The following KCNMB2 variants were observed in gnomAD, a reference collection of about 807,000 sequenced individuals.
The protein encoded by KCNMB2 is calcium-activated potassium channel subunit beta-2.
Under a neutral mutation model 24.5 loss-of-function variants are expected in KCNMB2, and 9 were observed. That is an observed-to-expected ratio of 0.37 (90% CI 0.22 to 0.64). The LOEUF (loss-of-function observed/expected upper bound fraction) is 0.64. KCNMB2 is among the 30% of genes least tolerant of loss of function. The pLI, the probability that KCNMB2 is intolerant of heterozygous loss-of-function variation, is 0.63. For synonymous variants in KCNMB2, 109 were observed against 104.4 expected (o/e 1.04, Z -0.27); for missense variants, 226 against 284.3 (o/e 0.79, Z 1.47).
chr3:178,590,293 A>AT (rs1717618198), intron 1 of KCNMB2, among the ~76,000 whole-genome samples: 3 of 152,084 alleles, frequency 2.0e-5, no homozygotes, highest in African/African-American at 7.2e-5. Context: ...TTATCTGTAC[A>AT]TTTTTTATCC....
chr3:178,757,332 G>GTATA lies in KCNMB2; in HGVS notation c.-67-50005_-67-50002dup, dbSNP rs1186497623. ...TCCATCCAAGAGGACATATATATAT[G>GTATA]TATATATATCCAAGAGGATATATAT... On this transcript the variant is annotated intron_variant, in intron 1 of 4. Coordinates refer to ENST00000452583, the MANE Select transcript of KCNMB2 (RefSeq NM_181361.3). Among the ~76,000 whole-genome samples, 2 of 68,726 alleles carry GTATA rather than the reference G, an allele frequency of 2.9e-5. 1 individual carries two copies. Among genetic ancestry groups the GTATA allele is most frequent in the African/African-American group, 1.1e-4 (2 of 18,082 alleles). The allele number at this position is 68,726 out of a possible 152,430, so 45.1% of individuals were successfully genotyped here. A position where few individuals can be genotyped will look rare whatever the true frequency, so the allele number is the denominator to read the frequency against.
At chr3:178,625,376 G>A (rs545955866) in intron 1 of KCNMB2, among the ~76,000 whole-genome samples, 8 of 152,328 alleles carry the variant, frequency 5.3e-5, no homozygotes, top group South Asian at 2.1e-4. Context: ...GGGAGCAGCC[G>A]CTTCTTTTCA....
intron 1 of KCNMB2, among the ~76,000 whole-genome samples, chr3:178,791,346 G>A (rs866105299): frequency 6.6e-6 from 1 of 152,220 alleles, no homozygotes; most frequent in South Asian, 2.1e-4. Context: ...ACTGAAGAAT[G>A]TATCAGAGTC....
At chr3:178,842,442 A>C (rs1419004650) in intron 4 of KCNMB2, among the ~76,000 whole-genome samples, 1 of 152,224 alleles carries the variant, frequency 6.6e-6, no homozygotes, top group Non-Finnish European at 1.5e-5. Flanking sequence ...ATGGGTGAGC[A>C]ATCAAGGGAC....
chr3:178,654,573 C>A (rs1014359061), intron 1 of KCNMB2, among the ~76,000 whole-genome samples: 1 of 152,164 alleles, frequency 6.6e-6, no homozygotes, highest in Admixed American at 6.5e-5. Context: ...ACAATTTATA[C>A]TTTTCAAAGA....
intron 1 of KCNMB2, among the ~76,000 whole-genome samples, chr3:178,762,164 C>G (rs936758680): frequency 1.3e-5 from 2 of 151,794 alleles, no homozygotes; most frequent in Non-Finnish European, 2.9e-5. Context: ...GAGCGAGACT[C>G]CGTCTCAAAA....
chr3:178,781,896 C>T (rs1036865799), intron 1 of KCNMB2, among the ~76,000 whole-genome samples: 9 of 145,032 alleles, frequency 6.2e-5, no homozygotes, highest in East Asian at 6.1e-4. Flanking sequence ...CCCACTAACT[C>T]GTCATCTAGC....
rs929139048 is a variant in KCNMB2 at position 178,697,464 on chromosome 3, T to A, written c.-67-109879T>A. Among the ~76,000 whole-genome samples, 4 of 152,336 alleles carry A rather than the reference T, an allele frequency of 2.6e-5. No individual in the cohort carries two copies. In the South Asian group the frequency reaches 8.3e-4, roughly 32 times the overall value. ...TGTTTTCCATTTGCTTGGTATATTTTTTCTCCACACATTTCTTTTAAACCT... is the reference window on the plus strand; with the variant it reads ...TGTTTTCCATTTGCTTGGTATATTTATTCTCCACACATTTCTTTTAAACCT... On this transcript the variant is annotated intron_variant, in intron 1 of 4. Transcript: ENST00000452583.
chr3:178,841,950 T>C (rs1318498452), intron 4 of KCNMB2, among the ~76,000 whole-genome samples: 1 of 152,180 alleles, frequency 6.6e-6, no homozygotes, highest in Non-Finnish European at 1.5e-5. Context: ...TAAAGAACTG[T>C]TTTATTCTTC....
At chr3:178,652,518 AC>A (rs1720163068) in intron 1 of KCNMB2, among the ~76,000 whole-genome samples, 1 of 152,118 alleles carries the variant, frequency 6.6e-6, no homozygotes, top group Non-Finnish European at 1.5e-5. Flanking sequence ...TATTTTTAAC[AC>A]ACATCTATGA....
At chr3:178,711,051 G>A (rs114274773) in intron 1 of KCNMB2, among the ~76,000 whole-genome samples, 2,545 of 152,114 alleles carry the variant, frequency 0.017, 70 homozygotes, top group African/African-American at 0.059. Context: ...ATACCTATCC[G>A]TTTATATAAA....
chr3:178,771,823 T>C (rs1712380719), intron 1 of KCNMB2, among the ~76,000 whole-genome samples: 2 of 152,274 alleles, frequency 1.3e-5, no homozygotes, highest in South Asian at 4.1e-4. Context: ...CCTGATCTCA[T>C]GGCCAGATCC....
At chr3:178,754,709 CTG>C (rs1723967771) in intron 1 of KCNMB2, among the ~76,000 whole-genome samples, 1 of 152,112 alleles carries the variant, frequency 6.6e-6, no homozygotes, top group Admixed American at 6.5e-5. Flanking sequence ...TGATACTTTG[CTG>C]TAACAAAGCA....
At chr3:178,629,562 G>A (rs1719239702) in intron 1 of KCNMB2, among the ~76,000 whole-genome samples, 1 of 152,080 alleles carries the variant, frequency 6.6e-6, no homozygotes. Context: ...TCCTGGTCTG[G>A]AAAATGAGGT....
chr3:178,706,717 C>T (rs1722288702), intron 1 of KCNMB2, among the ~76,000 whole-genome samples: 2 of 152,256 alleles, frequency 1.3e-5, no homozygotes, highest in East Asian at 1.9e-4. Context: ...ATATAACTTG[C>T]TATCTGCACC....
At chr3:178,617,046 T>C (rs1375115710) in intron 1 of KCNMB2, among the ~76,000 whole-genome samples, 2 of 152,200 alleles carry the variant, frequency 1.3e-5, no homozygotes, top group Admixed American at 6.5e-5. Flanking sequence ...ATTTTTGTTT[T>C]TTTCCTAGAT....
chr3:178,661,714 G>A (rs368446924), intron 1 of KCNMB2, among the ~76,000 whole-genome samples: 22 of 152,242 alleles, frequency 1.4e-4, no homozygotes, highest in East Asian at 9.7e-4. Context: ...GAAGCTTGCC[G>A]GAAATGCAGA....
At chr3:178,744,423 G>GAAGA (rs1216858395) in intron 1 of KCNMB2, among the ~76,000 whole-genome samples, 1 of 152,182 alleles carries the variant, frequency 6.6e-6, no homozygotes, top group African/African-American at 2.4e-5. Context: ...TCAGTAATTA[G>GAAGA]AAGAAAGCAG....
intron 1 of KCNMB2, among the ~76,000 whole-genome samples, chr3:178,566,991 A>G (rs955581798): frequency 1.3e-5 from 2 of 152,224 alleles, no homozygotes; most frequent in African/African-American, 4.8e-5. Flanking sequence ...ATTATGATGA[A>G]TAATTACACA....
Sources: gnomAD v4.1 joint callset for allele counts (sites outside exome capture counted in the v4.1 genomes callset) on GRCh38, gnomAD v4.1.1 for gene constraint, MANE v1.5 for transcripts, NCBI Gene and HGNC (gene_info 2026-07-23, HGNC 2026-07-21) for gene names.